Variants in ASPRV1 observed in about 807,000 individuals in gnomAD.
ASPRV1 encodes retroviral-like aspartic protease 1.
ASPRV1 carries 7 observed loss-of-function variants against 11.0 expected under a neutral mutation model. That is an observed-to-expected ratio of 0.64 (90% confidence interval 0.36 to 1.20). The LOEUF (loss-of-function observed/expected upper bound fraction) is 1.20, where lower values mean the gene tolerates loss of function less well. ASPRV1 is among the 50% of genes most tolerant of loss of function. ASPRV1 has a pLI of 0.02. For missense variants in ASPRV1, 299 were observed against 320.0 expected (o/e 0.93, Z 0.50); for synonymous variants, 136 against 138.4 (o/e 0.98, Z 0.12).
At chr2:70,055,690 C>A in the ASPRV1 span, 1 of 152,108 alleles carries the variant, frequency 6.6e-6, no homozygotes, top group Non-Finnish European at 1.5e-5. Context: ...ACCACCATGG[C>A]ACACGTACAG....
At chr2:70,055,987 A>G in the ASPRV1 span, 1 of 152,226 alleles carries the variant, frequency 6.6e-6, no homozygotes, top group South Asian at 2.1e-4. Context: ...TGATGCATAC[A>G]TAAAATGGAT....
At chr2:70,059,871 G>A in the ASPRV1 span, 1 of 152,198 alleles carries the variant, frequency 6.6e-6, no homozygotes, top group Admixed American at 6.6e-5. Flanking sequence ...TAAAAACACA[G>A]ATGAAGCTTT....
chr2:70,067,304 G>A, the ASPRV1 span, among the ~76,000 whole-genome samples: 1 of 152,144 alleles, frequency 6.6e-6, no homozygotes, highest in Admixed American at 6.5e-5. Context: ...GTATATGATT[G>A]GGCACTGGAG....
At chr2:69,995,766 G>C in the ASPRV1 span, among the ~76,000 whole-genome samples, 1 of 152,176 alleles carries the variant, frequency 6.6e-6, no homozygotes, top group Admixed American at 6.5e-5. Context: ...GAAGCCTGGA[G>C]AGGCCTGGGA....
chr2:70,014,299 A>C, the ASPRV1 span, among the ~76,000 whole-genome samples: 1 of 152,202 alleles, frequency 6.6e-6, no homozygotes, highest in African/African-American at 2.4e-5. Flanking sequence ...ATACATAGAG[A>C]AATTTAAATA....
upstream of ASPRV1, chr2:69,964,770 G>GC (rs2104298421): frequency 6.5e-6 from 1 of 152,842 alleles, no homozygotes; most frequent in African/African-American, 2.4e-5. Context: ...TACCCTCCAC[G>GC]CCCCCTCACT....
chr2:70,044,735 G>A, the ASPRV1 span, among the ~76,000 whole-genome samples: 19 of 151,906 alleles, frequency 1.3e-4, no homozygotes, highest in Non-Finnish European at 2.2e-4. Context: ...CTGGGATTCC[G>A]GGCGTGAGCC....
At chr2:70,086,096 G>A in the ASPRV1 span, 8 of 152,324 alleles carry the variant, frequency 5.3e-5, no homozygotes, top group South Asian at 2.1e-4. Context: ...TTAAAGGGAG[G>A]AAAACGCGTT....
chr2:69,983,044 G>A, the ASPRV1 span, among the ~76,000 whole-genome samples: 8 of 152,090 alleles, frequency 5.3e-5, no homozygotes, highest in South Asian at 4.1e-4. Context: ...CCAGCCTCCC[G>A]AGTAGCTGGG....
upstream of ASPRV1, chr2:69,964,639 TG>T: frequency 4.3e-6 from 1 of 235,290 alleles, no homozygotes; most frequent in Admixed American, 5.1e-5. Flanking sequence ...GTATAGGTAT[TG>T]GGGCGGGACA....
chr2:70,075,060 T>A, the ASPRV1 span: 1 of 148,878 alleles, frequency 6.7e-6, no homozygotes, highest in East Asian at 2.1e-4. Flanking sequence ...GTGGTTGCAG[T>A]GAGCCAAGAT....
At chr2:70,025,906 T>C in the ASPRV1 span, among the ~76,000 whole-genome samples, 2 of 152,234 alleles carry the variant, frequency 1.3e-5, no homozygotes, top group Non-Finnish European at 2.9e-5. Flanking sequence ...CAGAAGTTTG[T>C]GCTCCTTACC....
chr2:70,034,982 T>C, the ASPRV1 span: 1 of 152,332 alleles, frequency 6.6e-6, no homozygotes. Context: ...TTTACCCTTG[T>C]AGAGAGTGTA....
the ASPRV1 span, chr2:69,935,316 A>G: frequency 6.6e-7 from 1 of 1,513,364 alleles, no homozygotes; most frequent in African/African-American, 1.4e-5. Context: ...CCCACTGTGA[A>G]ACTCTCAAAT....
the ASPRV1 span, among the ~76,000 whole-genome samples, chr2:70,072,224 T>A: frequency 2.0e-5 from 3 of 148,614 alleles, no homozygotes; most frequent in African/African-American, 7.4e-5. Context: ...AGTGCTGGGA[T>A]TACAGGTGTG....
At chr2:70,063,612 T>C in the ASPRV1 span, among the ~76,000 whole-genome samples, 2 of 152,110 alleles carry the variant, frequency 1.3e-5, no homozygotes, top group African/African-American at 4.8e-5. Context: ...GAACCTGACA[T>C]ATTTAAAAGA....
chr2:70,072,717 G>A, the ASPRV1 span, among the ~76,000 whole-genome samples: 4 of 151,234 alleles, frequency 2.6e-5, no homozygotes, highest in Non-Finnish European at 4.4e-5. Context: ...GCAAGATTTC[G>A]TCTCAAAAAT....
chr2:70,078,310 G>A, the ASPRV1 span, among the ~76,000 whole-genome samples: 6 of 152,256 alleles, frequency 3.9e-5, no homozygotes, highest in African/African-American at 1.4e-4. Context: ...CTATGGTAGA[G>A]AGTCCCTAGA....
the ASPRV1 span, among the ~76,000 whole-genome samples, chr2:70,042,598 G>A: frequency 6.6e-6 from 1 of 152,124 alleles, no homozygotes; most frequent in Non-Finnish European, 1.5e-5. Flanking sequence ...TGTCATTCAG[G>A]GCATAGAACA....
Sources: allele counts gnomAD v4.1 joint callset (sites outside exome capture counted in the v4.1 genomes callset), GRCh38; gene constraint gnomAD v4.1.1; transcripts MANE v1.5; gene names NCBI Gene and HGNC (gene_info 2026-07-23, HGNC 2026-07-21).